Variants in NEGR1 observed in about 807,000 individuals in gnomAD.
The protein encoded by NEGR1 is IgLON family member 4.
A neutral mutation model predicts 40.9 loss-of-function variants in NEGR1; 10 were observed. That is an observed-to-expected ratio of 0.24 (90% CI 0.15 to 0.42). The LOEUF (loss-of-function observed/expected upper bound fraction) is 0.42. Among genes scored for constraint, NEGR1 ranks in the 10% least tolerant of loss-of-function variants. The probability of loss-of-function intolerance (pLI) is 1.00; values close to 1 mark genes in which losing one functional copy is unlikely to be tolerated. For missense variants in NEGR1, 352 were observed against 438.9 expected (o/e 0.80, Z 1.77); for synonymous variants, 185 against 166.8 (o/e 1.11, Z -0.84).
At chr1:71,782,609 A>G (rs1192665263) in intron 2 of NEGR1, among the ~76,000 whole-genome samples, 1 of 152,150 alleles carries the variant, frequency 6.6e-6, no homozygotes, top group Non-Finnish European at 1.5e-5. Flanking sequence ...AGAACCTGAG[A>G]GAGGGCCTGA....
intron 2 of NEGR1, among the ~76,000 whole-genome samples, chr1:71,928,942 G>T (rs1277288280): frequency 6.6e-6 from 1 of 152,046 alleles, no homozygotes; most frequent in African/African-American, 2.4e-5. Flanking sequence ...AGTAAATAAT[G>T]ATTTATGGTA....
At chr1:71,702,194 A>G (rs1208372106) in intron 3 of NEGR1, among the ~76,000 whole-genome samples, 5 of 152,076 alleles carry the variant, frequency 3.3e-5, no homozygotes, top group Non-Finnish European at 7.4e-5. Flanking sequence ...CTGCCTTCTT[A>G]CCTACCTTCT....
At chr1:71,803,581 T>G (rs1657640442) in intron 2 of NEGR1, among the ~76,000 whole-genome samples, 1 of 152,186 alleles carries the variant, frequency 6.6e-6, no homozygotes, top group South Asian at 2.1e-4. Context: ...CTATAACTTG[T>G]GGTTTCATTT....
intron 1 of NEGR1, among the ~76,000 whole-genome samples, chr1:72,050,205 T>TA (rs1283895706): frequency 3.3e-5 from 5 of 151,654 alleles, no homozygotes; most frequent in African/African-American, 4.8e-5. Flanking sequence ...TGATTAATGT[T>TA]AAAAATATGT....
chr1:72,167,610 A>G (rs751150761), intron 1 of NEGR1, among the ~76,000 whole-genome samples: 1 of 152,078 alleles, frequency 6.6e-6, no homozygotes, highest in Non-Finnish European at 1.5e-5. Context: ...ATTATTTCTT[A>G]TTGTCACTGT....
At chr1:71,895,713 T>C (rs1158788082) in intron 2 of NEGR1, among the ~76,000 whole-genome samples, 2 of 152,224 alleles carry the variant, frequency 1.3e-5, no homozygotes, top group Non-Finnish European at 2.9e-5. Context: ...AACACTTGGA[T>C]TGTTTTCACT....
intron 2 of NEGR1, among the ~76,000 whole-genome samples, chr1:71,850,409 G>C (rs1659565465): frequency 6.6e-6 from 1 of 152,074 alleles, no homozygotes; most frequent in East Asian, 1.9e-4. Context: ...TCCCTCCTCA[G>C]CCTCCCAAAG....
chr1:71,928,091 T>TACAC (rs1239846890), intron 2 of NEGR1, among the ~76,000 whole-genome samples: 1 of 113,214 alleles, frequency 8.8e-6, no homozygotes, highest in East Asian at 2.2e-4. Flanking sequence ...TATGTATATA[T>TACAC]ACACACATAT....
intron 6 of NEGR1, among the ~76,000 whole-genome samples, chr1:71,412,426 T>C (rs2101264380): frequency 6.6e-6 from 1 of 152,312 alleles, no homozygotes; most frequent in African/African-American, 2.4e-5. Context: ...AAATGTTTTC[T>C]TTCTTCTTAA....
At chr1:71,720,934 A>T (rs1654489739) in intron 3 of NEGR1, among the ~76,000 whole-genome samples, 1 of 152,128 alleles carries the variant, frequency 6.6e-6, no homozygotes, top group South Asian at 2.1e-4. Context: ...GCCAATAATC[A>T]TTTCCCTAGA....
chr1:71,622,222 G>C (rs1004460673), intron 4 of NEGR1, among the ~76,000 whole-genome samples: 8 of 151,924 alleles, frequency 5.3e-5, no homozygotes, highest in Non-Finnish European at 1.0e-4. Context: ...TTCATGATCT[G>C]ATCTCTTCTC....
intron 6 of NEGR1, among the ~76,000 whole-genome samples, chr1:71,585,788 T>C (rs1174852089): frequency 6.6e-6 from 1 of 150,952 alleles, no homozygotes; most frequent in East Asian, 2.0e-4. Context: ...ATCATAATGA[T>C]ATACATAGTG....
In NEGR1 at chr1:71,431,085, C is replaced by A. The variant is rs181080980; in HGVS notation, c.941-23515G>T. On this transcript the variant is annotated intron_variant, in intron 6 of 6. Coordinates refer to ENST00000357731, the MANE Select transcript of NEGR1 (RefSeq NM_173808.3). ...TTTTTTATGATCTTTTTTTTATGAC[C>A]TTTTTTTTATGATCATAAAAAAGGT... Among the ~76,000 whole-genome samples, 62 of 149,666 alleles carry A rather than the reference C, an allele frequency of 4.1e-4. No individual in the cohort carries two copies. In the East Asian group the frequency reaches 0.012, roughly 29 times the overall value.
chr1:72,194,205 C>T (rs1652920832), intron 1 of NEGR1, among the ~76,000 whole-genome samples: 1 of 151,666 alleles, frequency 6.6e-6, no homozygotes, highest in South Asian at 2.1e-4. Context: ...TATGTGAAAA[C>T]AGTGACCCTG....
At chr1:72,022,788 G>T (rs1371513611) in intron 1 of NEGR1, among the ~76,000 whole-genome samples, 3 of 151,996 alleles carry the variant, frequency 2.0e-5, no homozygotes. Flanking sequence ...ATTCACAGAC[G>T]ATATGATTGT....
intron 2 of NEGR1, among the ~76,000 whole-genome samples, chr1:71,847,604 C>T (rs940568644): frequency 6.6e-6 from 1 of 152,172 alleles, no homozygotes; most frequent in South Asian, 2.1e-4. Flanking sequence ...CAAGCTTAAT[C>T]AATAAATGTT....
chr1:71,595,616 A>G (rs950434064), intron 5 of NEGR1, among the ~76,000 whole-genome samples: 4 of 152,162 alleles, frequency 2.6e-5, no homozygotes, highest in Admixed American at 6.5e-5. Context: ...TACAAAGATG[A>G]GCTCTATGCT....
intron 6 of NEGR1, among the ~76,000 whole-genome samples, chr1:71,535,039 A>G (rs1318644672): frequency 1.3e-5 from 2 of 151,690 alleles, no homozygotes; most frequent in African/African-American, 4.8e-5. Context: ...ATTAAAATTT[A>G]TGTTAAATTA....
chr1:71,590,696 G>A (rs1182366342), intron 6 of NEGR1, among the ~76,000 whole-genome samples: 1 of 152,068 alleles, frequency 6.6e-6, no homozygotes, highest in African/African-American at 2.4e-5. Context: ...AGAATTAAAT[G>A]AACAAGTTTA....
Sources: gnomAD v4.1 joint callset for allele counts (sites outside exome capture counted in the v4.1 genomes callset) on GRCh38, gnomAD v4.1.1 for gene constraint, MANE v1.5 for transcripts, NCBI Gene and HGNC (gene_info 2026-07-23, HGNC 2026-07-21) for gene names.